MAST4: variants seen among roughly 807,000 people sequenced by gnomAD.
MAST4 encodes microtubule-associated serine/threonine-protein kinase 4.
A neutral mutation model predicts 162.7 loss-of-function variants in MAST4; 89 were observed. The ratio of observed to expected loss-of-function variants is 0.55; its 90% CI spans 0.46 to 0.65. The LOEUF (loss-of-function observed/expected upper bound fraction) is 0.65. Among genes scored for constraint, MAST4 ranks in the 30% least tolerant of loss-of-function variants. MAST4 has a pLI of 0.00. For missense variants in MAST4, 3,153 were observed against 3,374.0 expected, an observed-to-expected ratio of 0.93 and a Z score of 1.62; for synonymous variants, 1,479 against 1,361.1, an observed-to-expected ratio of 1.09 and a Z score of -1.91.
chr5:67,155,629 T>G (rs1433780596), intron 26 of MAST4, among the ~76,000 whole-genome samples: 1 of 152,128 alleles, frequency 6.6e-6, no homozygotes, highest in East Asian at 1.9e-4. Context: ...CTTCAGAAAT[T>G]TCCTTTCCAT....
chr5:66,977,950 T>C (rs1462395328), intron 4 of MAST4, among the ~76,000 whole-genome samples: 9 of 152,214 alleles, frequency 5.9e-5, no homozygotes, highest in Admixed American at 5.9e-4. Flanking sequence ...TTTATTTTTA[T>C]TCTCTGCTTC....
intron 2 of MAST4, 79 bp from the exon 3 acceptor site, chr5:66,788,591 A>AGCCCCCCC: frequency 4.8e-6 from 3 of 618,924 alleles, no homozygotes; most frequent in Non-Finnish European, 2.9e-6. Context: ...AGGAAGAGAC[A>AGCCCCCCC]CCCCACCCCC....
chr5:66,665,174 A>G (rs1357941584), intron 1 of MAST4, among the ~76,000 whole-genome samples: 2 of 152,252 alleles, frequency 1.3e-5, no homozygotes, highest in Non-Finnish European at 2.9e-5. Flanking sequence ...TTTAAAAGAA[A>G]TGAGGTAATA....
intron 3 of MAST4, among the ~76,000 whole-genome samples, chr5:66,879,606 A>G (rs1761557075): frequency 6.6e-6 from 1 of 152,172 alleles, no homozygotes; most frequent in Admixed American, 6.5e-5. Flanking sequence ...TGACCTCCCC[A>G]GGCTCAGGTG....
chr5:66,973,657 A>T (rs1384514327), intron 4 of MAST4, among the ~76,000 whole-genome samples: 1 of 152,114 alleles, frequency 6.6e-6, no homozygotes, highest in African/African-American at 2.4e-5. Context: ...ACAAGATTTC[A>T]CCCAGTGGTT....
chr5:66,897,766 C>A (rs1762777901), intron 3 of MAST4, among the ~76,000 whole-genome samples: 1 of 152,226 alleles, frequency 6.6e-6, no homozygotes, highest in Non-Finnish European at 1.5e-5. Flanking sequence ...GGGTTACCCA[C>A]TGTAACCTTT....
At chr5:66,848,455 G>C (rs1472930977) in intron 3 of MAST4, among the ~76,000 whole-genome samples, 1 of 151,462 alleles carries the variant, frequency 6.6e-6, no homozygotes, top group African/African-American at 2.4e-5. Context: ...TGTTTTTTTT[G>C]TTTGTTTGTT....
intron 2 of MAST4, among the ~76,000 whole-genome samples, chr5:66,764,228 T>A (rs1382522229): frequency 1.3e-5 from 2 of 152,174 alleles, no homozygotes; most frequent in African/African-American, 4.8e-5. Flanking sequence ...GGGTCCAGAT[T>A]TGTTCTATGT....
At chr5:67,103,404 T>G (rs976616339) in intron 9 of MAST4, among the ~76,000 whole-genome samples, 1 of 152,198 alleles carries the variant, frequency 6.6e-6, no homozygotes, top group East Asian at 1.9e-4. Flanking sequence ...TAACCCAACA[T>G]TGATGTCATT....
chr5:66,994,371 T>C (rs1750394970), intron 4 of MAST4, among the ~76,000 whole-genome samples: 1 of 152,244 alleles, frequency 6.6e-6, no homozygotes, highest in Admixed American at 6.5e-5. Flanking sequence ...TTACATGTCC[T>C]CTGGCCTTGT....
At chr5:66,941,606 C>T (rs1409024449) in intron 4 of MAST4, among the ~76,000 whole-genome samples, 1 of 152,170 alleles carries the variant, frequency 6.6e-6, no homozygotes, top group East Asian at 1.9e-4. Context: ...GGCTGTTTCA[C>T]TTTCTTACCA....
chr5:67,070,402 T>G (rs1403512199), intron 5 of MAST4, among the ~76,000 whole-genome samples: 1 of 152,226 alleles, frequency 6.6e-6, no homozygotes, highest in East Asian at 1.9e-4. Context: ...TGATGTGGGC[T>G]TTAACTATTT....
intron 2 of MAST4, among the ~76,000 whole-genome samples, chr5:66,778,734 C>T (rs561161925): frequency 5.3e-5 from 8 of 152,238 alleles, no homozygotes; most frequent in African/African-American, 1.9e-4. Context: ...TTTGAATCAC[C>T]TTGCCATATT....
At chr5:67,070,859 C>A (rs1457222286) in intron 5 of MAST4, among the ~76,000 whole-genome samples, 1 of 152,132 alleles carries the variant, frequency 6.6e-6, no homozygotes, top group Admixed American at 6.5e-5. Flanking sequence ...CCTGTCCCTA[C>A]AATCAGAATA....
chr5:66,774,506 C>T (rs1580419405), intron 2 of MAST4, among the ~76,000 whole-genome samples: 2 of 152,280 alleles, frequency 1.3e-5, no homozygotes, highest in African/African-American at 4.8e-5. Context: ...ATTCCAAACA[C>T]CTTCATGTTA....
intron 4 of MAST4, among the ~76,000 whole-genome samples, chr5:67,030,673 T>G (rs1341873515): frequency 1.3e-5 from 2 of 152,174 alleles, no homozygotes; most frequent in Non-Finnish European, 1.5e-5. Flanking sequence ...GAGTTTAGTT[T>G]AAAACATTAA....
chr5:66,695,354 A>G (rs867577291), intron 1 of MAST4, among the ~76,000 whole-genome samples: 6 of 152,102 alleles, frequency 3.9e-5, no homozygotes, highest in Admixed American at 2.0e-4. Flanking sequence ...TGAGACCTCT[A>G]TTCTGTTCCA....
intron 12 of MAST4, among the ~76,000 whole-genome samples, chr5:67,116,196 G>A (rs1232299737): frequency 1.3e-5 from 2 of 151,824 alleles, no homozygotes; most frequent in Non-Finnish European, 2.9e-5. Flanking sequence ...TTGTTTGTTT[G>A]TTTGTTTGTT....
chr5:66,959,193 G>T (rs1026132160), intron 4 of MAST4: 2 of 778,974 alleles, frequency 2.6e-6, no homozygotes, highest in Non-Finnish European at 4.8e-6. Context: ...TCACCGGGAC[G>T]CTGGCAGGGA....
Sources: allele counts gnomAD v4.1 joint callset (sites outside exome capture counted in the v4.1 genomes callset), GRCh38; gene constraint gnomAD v4.1.1; transcripts MANE v1.5; gene names NCBI Gene and HGNC (gene_info 2026-07-23, HGNC 2026-07-21).